The following DNAJB1 variants were observed in gnomAD, a reference collection of about 807,000 sequenced individuals.
DNAJB1 encodes the protein dnaJ homolog subfamily B member 1.
A neutral mutation model predicts 24.0 loss-of-function variants in DNAJB1; 14 were observed. That is an observed-to-expected ratio of 0.58 (90% CI 0.39 to 0.91). The LOEUF is 0.91. DNAJB1 is among the 40% of genes least tolerant of loss of function. The pLI, the probability that DNAJB1 is intolerant of heterozygous loss-of-function variation, is 0.00. For synonymous variants in DNAJB1, 262 were observed against 174.4 expected, an observed-to-expected ratio of 1.50 and a Z score of -3.96; for missense variants, 517 against 458.1, an observed-to-expected ratio of 1.13 and a Z score of -1.17.
chr19:14,550,972 G>A (rs771863526), upstream of DNAJB1, among the ~76,000 whole-genome samples: 2 of 150,538 alleles, frequency 1.3e-5, no homozygotes, highest in African/African-American at 2.4e-5. Context: ...ACACCCGGCC[G>A]CTCCTTTTAC....
chr19:14,518,351 A>AC lies in DNAJB1; in HGVS notation c.-3dup, dbSNP rs751404828. ...CGTCTGGTAGTAGTCTTTACCCATG[A>AC]CCCCCTCCTGCGGCCCGCCGACCCG... On this transcript the variant is annotated 5_prime_UTR_variant, in exon 1 of 3. Coordinates refer to ENST00000254322, the MANE Select transcript of DNAJB1 (RefSeq NM_006145.3). 4.4e-5 allele frequency: 68 copies of AC among 1,536,900 alleles called. No homozygotes were observed. Among genetic ancestry groups the AC allele is most frequent in the African/African-American group, 7.1e-5 (5 of 70,916 alleles).
chr19:14,529,843 A>G, upstream of DNAJB1: 2 of 1,279,994 alleles, frequency 1.6e-6, no homozygotes, highest in Non-Finnish European at 2.2e-6. Context: ...CGCAGTGGGC[A>G]AGCGTTGCGC....
At chr19:14,529,635 G>A, upstream of DNAJB1, 2 of 1,613,238 alleles carry the variant, frequency 1.2e-6, no homozygotes, top group African/African-American at 1.3e-5. Flanking sequence ...TAGGGAGCCT[G>A]TGCTGTGCCG....
intron 1 of DNAJB1, among the ~76,000 whole-genome samples, chr19:14,537,418 G>C (rs2146564636): frequency 6.6e-6 from 1 of 150,712 alleles, no homozygotes; most frequent in African/African-American, 2.4e-5. Flanking sequence ...GCTGGGCCCA[G>C]CAAAGCCTTC....
upstream of DNAJB1, chr19:14,532,174 C>T (rs775637913): frequency 6.6e-6 from 1 of 152,126 alleles, no homozygotes; most frequent in African/African-American, 2.4e-5. Context: ...TTCCAGGAAG[C>T]TGGGCACAGC....
chr19:14,535,688 GA>G (rs2072872588), intron 1 of DNAJB1, among the ~76,000 whole-genome samples: 1 of 137,776 alleles, frequency 7.3e-6, no homozygotes, highest in East Asian at 2.1e-4. Flanking sequence ...CTGGGAGGTG[GA>G]GGTCGCGGAC....
chr19:14,540,070 T>G (rs1371770080), intron 1 of DNAJB1, among the ~76,000 whole-genome samples: 1 of 150,406 alleles, frequency 6.6e-6, no homozygotes, highest in African/African-American at 2.4e-5. Flanking sequence ...TTAATTTTTT[T>G]TTTTTTTGAG....
chr19:14,544,951 A>C (rs2073249356), intron 1 of DNAJB1, among the ~76,000 whole-genome samples: 1 of 152,110 alleles, frequency 6.6e-6, no homozygotes, highest in South Asian at 2.1e-4. Context: ...GTTTTGAACC[A>C]TTGACACATC....
At chr19:14,519,023 AG>A (rs1166261963), upstream of DNAJB1, among the ~76,000 whole-genome samples, 1 of 152,194 alleles carries the variant, frequency 6.6e-6, no homozygotes, top group Non-Finnish European at 1.5e-5. Flanking sequence ...TCTTGAGCCT[AG>A]GAGTTGGAGA....
chr19:14,552,157 CTTTCTTTCTTT>C (rs1370194845), upstream of DNAJB1, among the ~76,000 whole-genome samples: 359 of 148,340 alleles, frequency 2.4e-3, 4 homozygotes, highest in African/African-American at 8.5e-3. Context: ...TTCTTTCTTT[CTTTCTTTCTTT>C]TTTCTTTTTT....
At chr19:14,537,831 C>T (rs1368824843) in intron 1 of DNAJB1, among the ~76,000 whole-genome samples, 2 of 151,078 alleles carry the variant, frequency 1.3e-5, no homozygotes, top group Non-Finnish European at 1.5e-5. Context: ...GCTGCACCTC[C>T]GCCTCCCGGG....
Position 14,516,005 on chromosome 19 carries a change from C to G in DNAJB1, c.958G>C (p.Val320Leu), listed in dbSNP as rs1177508105. ...KRGDLIIEFE[V>L]IFPERIPQTS... ...TGGGGAATCCTTTCGGGGAAGATCA[C>G]TTCAAACTCAATAATGAGGTCCCCA... is the stretch of plus-strand genomic sequence containing the variant. The change falls in exon 3 of 3, where the codon GTG becomes CTG. Residue 320 changes from valine to leucine, a missense_variant. Physicochemically the swap from Val to Leu is conservative, Grantham distance 32. Transcript: ENST00000254322. The G allele has an allele frequency of 8.7e-6, 14 of 1,611,232 alleles. No individual in the cohort carries two copies. Among genetic ancestry groups the G allele is most frequent in the Non-Finnish European group, 1.2e-5 (14 of 1,179,264 alleles).
At chr19:14,524,941 T>C (rs2072402886) in intron 2 of DNAJB1, among the ~76,000 whole-genome samples, 1 of 142,962 alleles carries the variant, frequency 7.0e-6, no homozygotes, top group Non-Finnish European at 1.5e-5. Context: ...TTTGTTCATA[T>C]ATAAAAATTC....
intron 1 of DNAJB1, among the ~76,000 whole-genome samples, chr19:14,541,487 A>C (rs1241391929): frequency 6.6e-6 from 1 of 152,206 alleles, no homozygotes; most frequent in Non-Finnish European, 1.5e-5. Context: ...TCTGTTTTCC[A>C]GTCCATCACT....
At chr19:14,549,652 A>C (rs2073425790) in intron 1 of DNAJB1, among the ~76,000 whole-genome samples, 1 of 151,824 alleles carries the variant, frequency 6.6e-6, no homozygotes, top group Non-Finnish European at 1.5e-5. Flanking sequence ...GCCTCTTTAT[A>C]AAATACTGTA....
At chr19:14,547,569 C>G (rs1159393333) in intron 1 of DNAJB1, among the ~76,000 whole-genome samples, 1 of 152,066 alleles carries the variant, frequency 6.6e-6, no homozygotes, top group Non-Finnish European at 1.5e-5. Context: ...ACCATGTTAG[C>G]TAGGATGGTC....
upstream of DNAJB1, among the ~76,000 whole-genome samples, chr19:14,533,759 C>T (rs1351088338): frequency 6.6e-6 from 1 of 150,734 alleles, no homozygotes; most frequent in East Asian, 1.9e-4. Flanking sequence ...GGTGAAGCCT[C>T]TCTCTAGAAC....
chr19:14,545,048 G>C (rs1599444826), intron 1 of DNAJB1: 1 of 456,062 alleles, frequency 2.2e-6, no homozygotes, highest in African/African-American at 2.0e-5. Flanking sequence ...GCCCTGAGTT[G>C]TTTCTAAGCC....
At chr19:14,540,647 C>T (rs1010902433) in intron 1 of DNAJB1, among the ~76,000 whole-genome samples, 2 of 152,014 alleles carry the variant, frequency 1.3e-5, no homozygotes, top group Non-Finnish European at 2.9e-5. Flanking sequence ...CTGCCTGGGC[C>T]TCCCAAAGTG....
Sources: gnomAD v4.1 joint callset for allele counts (sites outside exome capture counted in the v4.1 genomes callset) on GRCh38, gnomAD v4.1.1 for gene constraint, MANE v1.5 for transcripts, NCBI Gene and HGNC (gene_info 2026-07-23, HGNC 2026-07-21) for gene names.